IMMP2L: variants seen among roughly 807,000 people sequenced by gnomAD.
IMMP2L encodes mitochondrial inner membrane protease subunit 2.
A neutral mutation model predicts 19.3 loss-of-function variants in IMMP2L; 18 were observed. The ratio of observed to expected loss-of-function variants is 0.93; its 90% CI spans 0.64 to 1.38. The LOEUF is 1.38. IMMP2L is among the 40% of genes most tolerant of loss of function. IMMP2L has a pLI of 0.00. For missense variants in IMMP2L, 233 were observed against 218.2 expected, an observed-to-expected ratio of 1.07 and a Z score of -0.43; for synonymous variants, 76 against 73.0, an observed-to-expected ratio of 1.04 and a Z score of -0.21.
intron 5 of IMMP2L, among the ~76,000 whole-genome samples, chr7:110,862,823 T>C (rs912356300): frequency 1.3e-5 from 2 of 152,062 alleles, no homozygotes; most frequent in Non-Finnish European, 1.5e-5. Context: ...AAGATAAAGA[T>C]ATCTTTCTCT....
chr7:110,989,769 T>C (rs920226705), intron 3 of IMMP2L, among the ~76,000 whole-genome samples: 34 of 151,880 alleles, frequency 2.2e-4, no homozygotes, highest in African/African-American at 8.2e-4. Flanking sequence ...ACTTTATCTC[T>C]TTCCCTCACA....
At chr7:111,290,504 T>A (rs548862921) in intron 3 of IMMP2L, among the ~76,000 whole-genome samples, 26 of 147,370 alleles carry the variant, frequency 1.8e-4, no homozygotes, top group East Asian at 4.0e-4. Flanking sequence ...GACTTCTTTT[T>A]AAAAAAAAAA....
chr7:111,333,823 C>T (rs746876921), intron 3 of IMMP2L, among the ~76,000 whole-genome samples: 8 of 152,132 alleles, frequency 5.3e-5, no homozygotes, highest in Non-Finnish European at 1.0e-4. Flanking sequence ...GTAATTCGGA[C>T]TGGCTTCCTT....
chr7:111,143,694 G>C (rs1278312973), intron 3 of IMMP2L, among the ~76,000 whole-genome samples: 1 of 152,136 alleles, frequency 6.6e-6, no homozygotes, highest in Non-Finnish European at 1.5e-5. Flanking sequence ...TGTAACTGTG[G>C]AAAGGCACAG....
intron 5 of IMMP2L, 34 bp downstream of exon 5, chr7:110,886,559 A>G (rs748798498): frequency 8.4e-7 from 1 of 1,193,172 alleles, no homozygotes. Flanking sequence ...TTTGAAATCC[A>G]ATTACATCAA....
Position 110,804,592 on chromosome 7 carries a change from C to T in IMMP2L, c.408+82001G>A, listed in dbSNP as rs139548571. On this transcript the variant is annotated intron_variant, in intron 5 of 5. Transcript: ENST00000405709. ...GGGCACACAGCAGCTCAGCTAGGGA[C>T]TACATTTCCCAGACTTCCTTGCAGT... 4.6e-5 allele frequency among the ~76,000 whole-genome samples: 7 copies of T among 152,168 alleles called. No individual in the cohort carries two copies. In the East Asian group the frequency reaches 1.2e-3, roughly 25 times the overall value.
At chr7:111,283,863 T>C (rs892121272) in intron 3 of IMMP2L, among the ~76,000 whole-genome samples, 1 of 144,868 alleles carries the variant, frequency 6.9e-6, no homozygotes, top group East Asian at 2.0e-4. Flanking sequence ...CCCAGCTACT[T>C]GGGAGGCTGA....
At chr7:111,064,011 C>T (rs185659717) in intron 3 of IMMP2L, among the ~76,000 whole-genome samples, 14 of 152,106 alleles carry the variant, frequency 9.2e-5, no homozygotes, top group Admixed American at 9.2e-4. Flanking sequence ...TCAGCAGCAC[C>T]CCACTCTACT....
At chr7:111,067,321 A>G (rs1794597496) in intron 3 of IMMP2L, among the ~76,000 whole-genome samples, 1 of 152,212 alleles carries the variant, frequency 6.6e-6, no homozygotes, top group Non-Finnish European at 1.5e-5. Context: ...AAACTCTCAT[A>G]TCTACCACAG....
intron 4 of IMMP2L, among the ~76,000 whole-genome samples, chr7:110,897,304 A>G (rs1344914647): frequency 6.6e-6 from 1 of 152,172 alleles, no homozygotes; most frequent in Non-Finnish European, 1.5e-5. Flanking sequence ...ATGATTTTTA[A>G]AAAAGACAAA....
chr7:111,056,878 G>T (rs182813058), intron 3 of IMMP2L, among the ~76,000 whole-genome samples: 86 of 152,220 alleles, frequency 5.6e-4, no homozygotes, highest in Middle Eastern at 3.4e-3. Flanking sequence ...GCTTGGTCTT[G>T]CTGTCTCAGG....
In IMMP2L at chr7:110,756,086, T is replaced by C. The variant is rs1031790949; in HGVS notation, c.409-92365A>G. On this transcript the variant is annotated intron_variant, in intron 5 of 5. Coordinates refer to ENST00000405709, the MANE Select transcript of IMMP2L (RefSeq NM_032549.4). ...ACAGCACAGTTAAAGGCAAGAAGAC[T>C]ACTGAAGGGACCACTGTTAAAATCT... 4.6e-5 allele frequency among the ~76,000 whole-genome samples: 7 copies of C among 152,106 alleles called. No homozygotes were observed. In the East Asian group the frequency reaches 1.2e-3, roughly 25 times the overall value.
intron 3 of IMMP2L, among the ~76,000 whole-genome samples, chr7:111,185,368 A>C (rs2129611858): frequency 6.6e-6 from 1 of 152,278 alleles, no homozygotes; most frequent in East Asian, 1.9e-4. Context: ...CCCGTAACTC[A>C]TAGGCCTTTT....
At chr7:110,890,039 G>C (rs1177161432) in intron 4 of IMMP2L, among the ~76,000 whole-genome samples, 2 of 152,082 alleles carry the variant, frequency 1.3e-5, no homozygotes, top group Non-Finnish European at 2.9e-5. Flanking sequence ...CATTTTATAA[G>C]TCAGAATGTG....
At position 111,364,224 on chromosome 7, in the gene IMMP2L, T is replaced by C. The variant is rs533457223; in HGVS notation, c.239+123014A>G. ...GAATAAAACAAAACGTGATTGTTAATCATAAGAATTGTAATAGCCAGCTCT... is the reference window on the plus strand; with the variant it reads ...GAATAAAACAAAACGTGATTGTTAACCATAAGAATTGTAATAGCCAGCTCT... On this transcript the variant is annotated intron_variant, in intron 3 of 5. Coordinates refer to ENST00000405709, the MANE Select transcript of IMMP2L (RefSeq NM_032549.4). 8.4e-4 allele frequency among the ~76,000 whole-genome samples: 128 copies of C among 152,252 alleles called. 1 individual carries two copies. The highest frequency in any genetic ancestry group is 3.4e-3 in the Middle Eastern group (1 of 294).
At chr7:111,288,091 G>C (rs908919696) in intron 3 of IMMP2L, among the ~76,000 whole-genome samples, 2 of 151,900 alleles carry the variant, frequency 1.3e-5, no homozygotes, top group Non-Finnish European at 2.9e-5. Flanking sequence ...GCTGGTTTTC[G>C]TTCTTACTGT....
rs74844155 is a variant in IMMP2L, at chr7:110,728,254, G to A, written c.409-64533C>T. ...TGGTTCACGCCTGTAATCCCAGCAG[G>A]TTGGGAAGCCAAGGCAGGCAGATGG... is the stretch of plus-strand genomic sequence containing the variant. On this transcript the variant is annotated intron_variant, in intron 5 of 5. Coordinates refer to ENST00000405709, the MANE Select transcript of IMMP2L (RefSeq NM_032549.4). This position sits in a 1 kb window ranked among gnomAD's most constrained non-coding sequence, Gnocchi z 4.6. Among the ~76,000 whole-genome samples, 12,819 of 152,128 alleles carry A rather than the reference G, an allele frequency of 0.084. 575 individuals are homozygous for A. The highest frequency in any genetic ancestry group is 0.15 in the Middle Eastern group (45 of 292).
intron 5 of IMMP2L, among the ~76,000 whole-genome samples, chr7:110,667,750 C>T (rs1159463168): frequency 6.6e-6 from 1 of 152,174 alleles, no homozygotes. Flanking sequence ...CCATATTGGA[C>T]TTTTGACATC....
chr7:110,680,427 C>T (rs1792635184), intron 5 of IMMP2L, among the ~76,000 whole-genome samples: 1 of 152,090 alleles, frequency 6.6e-6, no homozygotes, highest in Non-Finnish European at 1.5e-5. Flanking sequence ...AACTGCCGTT[C>T]TTAATTTACA....
Sources: allele counts gnomAD v4.1 joint callset (sites outside exome capture counted in the v4.1 genomes callset), GRCh38; gene constraint gnomAD v4.1.1; non-coding constraint Gnocchi (gnomAD v3.1); transcripts MANE v1.5; gene names NCBI Gene and HGNC (gene_info 2026-07-23, HGNC 2026-07-21).